The following USP9X variants were observed in gnomAD, a reference collection of about 807,000 sequenced individuals.
The protein encoded by USP9X is ubiquitin carboxyl-terminal hydrolase 9X.
USP9X carries 7 observed loss-of-function variants against 190.3 expected under a neutral mutation model. The observed-to-expected ratio is 0.04, with a 90% CI of 0.02 to 0.07. The LOEUF (loss-of-function observed/expected upper bound fraction) is 0.07. Among genes scored for constraint, USP9X ranks in the 10% least tolerant of loss-of-function variants. The pLI is 1.00. For missense variants in USP9X, 1,010 were observed against 1,916.9 expected (o/e 0.53, Z 8.83); for synonymous variants, 645 against 659.5 (o/e 0.98, Z 0.34).
At chrX:41,112,881 G>T (rs979187601) in intron 1 of USP9X, among the ~76,000 whole-genome samples, 11 of 112,505 alleles carry the variant, frequency 9.8e-5, no homozygotes, top group African/African-American at 3.6e-4. Flanking sequence ...ATGTGTTTTC[G>T]ATTGAGGCAC....
chrX:41,188,875 G>T (rs1375912368), intron 25 of USP9X, among the ~76,000 whole-genome samples: 1 of 112,161 alleles, frequency 8.9e-6, no homozygotes, highest in Non-Finnish European at 1.9e-5. Flanking sequence ...GCATATTTTA[G>T]GTTGTAAGCC....
intron 1 of USP9X, among the ~76,000 whole-genome samples, chrX:41,090,919 G>A (rs748087451): frequency 1.4e-4 from 16 of 110,652 alleles, no homozygotes; most frequent in East Asian, 5.7e-4. Context: ...GCACCTTCTC[G>A]GTGTTACGGT....
At chrX:41,118,540 A>G (rs2062167488) in intron 1 of USP9X, among the ~76,000 whole-genome samples, 1 of 111,920 alleles carries the variant, frequency 8.9e-6, no homozygotes, top group African/African-American at 3.3e-5. Context: ...CTTCCTGGAA[A>G]GACTTTTAAA....
In USP9X at chrX:41,125,684, ACTCTCT is replaced by A. The variant is rs1555918325; in HGVS notation, c.96+1990_96+1995del. 1.3e-3 allele frequency among the ~76,000 whole-genome samples: 25 copies of A among 19,025 alleles called. 2 individuals carry two copies. Among genetic ancestry groups the A allele is most frequent in the East Asian group, 1.9e-3 (1 of 516 alleles). The allele number at this position is 19,025 out of a possible 115,157, so 16.5% of individuals were successfully genotyped here. A position where few individuals can be genotyped will look rare whatever the true frequency, so the allele number is the denominator to read the frequency against. On this transcript the variant is annotated intron_variant, in intron 2 of 44. Coordinates refer to ENST00000378308, the MANE Select transcript of USP9X (RefSeq NM_001039591.3). The stretch of plus-strand genomic sequence containing the variant: ...CACACACACACACACACACACACAC[ACTCTCT>A]CTCTCTCTCTCTCTCTCTCTCTCTC...
chrX:41,207,175 G>C (rs1413385159), intron 32 of USP9X, among the ~76,000 whole-genome samples: 1 of 92,332 alleles, frequency 1.1e-5, no homozygotes, highest in East Asian at 3.8e-4. Flanking sequence ...TGCAACCTCT[G>C]CCTCCCAGGT....
chrX:41,119,889 G>A (rs2062176990), intron 1 of USP9X, among the ~76,000 whole-genome samples: 1 of 112,612 alleles, frequency 8.9e-6, no homozygotes, highest in Middle Eastern at 4.6e-3. Context: ...TAAGGAAAAT[G>A]ATATGCAAGT....
Position 41,170,244 on chromosome X carries a change from G to C in USP9X, c.2877+9G>C. 2 of 1,197,472 alleles carry C rather than the reference G, an allele frequency of 1.7e-6. No individual in the cohort carries two copies. Among genetic ancestry groups the C allele is most frequent in the Non-Finnish European group, 2.3e-6 (2 of 886,113 alleles). On this transcript the variant is annotated intron_variant, in intron 19 of 44. Coordinates refer to ENST00000378308, the MANE Select transcript of USP9X (RefSeq NM_001039591.3). ...ACTTAAAAGATAAATCGGTATGTATGTATAGTTAACAGATTTTTCAATAAA... is the reference window on the plus strand; with the variant it reads ...ACTTAAAAGATAAATCGGTATGTATCTATAGTTAACAGATTTTTCAATAAA...
chrX:41,185,500 G>T (rs974115958), intron 23 of USP9X, among the ~76,000 whole-genome samples: 1 of 111,352 alleles, frequency 9.0e-6, no homozygotes, highest in Non-Finnish European at 1.9e-5. Flanking sequence ...TAAACAATTT[G>T]GTTCACTGGC....
intron 44 of USP9X, among the ~76,000 whole-genome samples, chrX:41,231,923 A>G (rs528605696): frequency 9.9e-5 from 11 of 111,060 alleles, no homozygotes; most frequent in African/African-American, 3.6e-4. Context: ...CATCTTGAAC[A>G]TTGTTCTGTT....
intron 4 of USP9X, among the ~76,000 whole-genome samples, chrX:41,134,025 A>G (rs2062349013): frequency 8.9e-6 from 1 of 112,088 alleles, no homozygotes. Flanking sequence ...ACACTGATTA[A>G]TGGTATTTCA....
At chrX:41,111,937 C>T (rs751139895) in intron 1 of USP9X, among the ~76,000 whole-genome samples, 2 of 109,529 alleles carry the variant, frequency 1.8e-5, no homozygotes, top group South Asian at 8.0e-4. Context: ...CCTCCACGTC[C>T]CGGGTTCAAG....
chrX:41,224,789 C>T lies in USP9X; in HGVS notation c.6799C>T (p.Pro2267Ser), dbSNP rs763353056. ...TTTTGGTGATCCTAATTTATCACAA[C>T]CTATAATGCCAATTCAGCAGAATGT... ...NPFGDPNLSQPIMPIQQNVAD... is the reference protein window; with the variant it reads ...NPFGDPNLSQSIMPIQQNVAD... Residue 2267 changes from proline to serine, a missense_variant, in exon 40 of 45, where the codon CCT (proline) becomes TCT (serine). Around this residue, in one of 11 missense-constraint regions of USP9X, gnomAD observed 121 missense variants for 281.2 expected, o/e 0.43. Coordinates refer to ENST00000378308, the MANE Select transcript of USP9X (RefSeq NM_001039591.3). The T allele has an allele frequency of 8.3e-6, 10 of 1,209,654 alleles. No homozygotes were observed. The highest frequency in any genetic ancestry group is 1.1e-5 in the Non-Finnish European group (10 of 895,046).
chrX:41,205,522 T>G (rs1332591048), intron 32 of USP9X, 29 bp downstream of exon 32: 1 of 1,152,015 alleles, frequency 8.7e-7, no homozygotes, highest in African/African-American at 1.8e-5. Context: ...GTAATAGAGA[T>G]ACTTCTTAAA....
At chrX:41,210,040 ATAAATT>A (rs1354461270) in intron 32 of USP9X, among the ~76,000 whole-genome samples, 1 of 112,219 alleles carries the variant, frequency 8.9e-6, no homozygotes, top group Non-Finnish European at 1.9e-5. Context: ...TGGGAAAAAA[ATAAATT>A]TAAGAGTAAC....
chrX:41,172,692 T>G (rs934525701), intron 21 of USP9X, among the ~76,000 whole-genome samples: 4 of 112,379 alleles, frequency 3.6e-5, no homozygotes, highest in Non-Finnish European at 7.5e-5. Context: ...ATAATTTCCC[T>G]TTTATTTTCC....
chrX:41,147,447 G>A (rs1043773692), intron 11 of USP9X, among the ~76,000 whole-genome samples: 2 of 80,583 alleles, frequency 2.5e-5, no homozygotes, highest in African/African-American at 5.0e-5. Flanking sequence ...TAACTTAATC[G>A]TTGTTTTTTT....
intron 1 of USP9X, 34 bp downstream of exon 1, chrX:41,086,143 T>C (rs2061908655): frequency 1.7e-5 from 5 of 292,661 alleles, no homozygotes; most frequent in African/African-American, 2.8e-5. Context: ...CGACGCTCTT[T>C]CCCGGGGCCA....
rs2147117994 is a variant in USP9X, at chrX:41,168,062, A to G, written c.2480A>G (p.Tyr827Cys). 3 of 1,211,601 alleles carry G rather than the reference A, an allele frequency of 2.5e-6. No homozygotes were observed. The highest frequency in any genetic ancestry group is 2.2e-6 in the Non-Finnish European group (2 of 895,363). The change falls in exon 18 of 45, where the codon TAT becomes TGT. Residue 827 changes from tyrosine to cysteine, a missense_variant. Physicochemically the swap from Tyr to Cys is radical, Grantham distance 194 (BLOSUM62 -2). Coordinates refer to ENST00000378308, the MANE Select transcript of USP9X (RefSeq NM_001039591.3). Reference sequence around the variant, plus strand: ...TGTTTTGATCGTCTGAAGGCTTCCTATGACACATTGTGTGTTTTGGATGGT... The same window carrying G: ...TGTTTTGATCGTCTGAAGGCTTCCTGTGACACATTGTGTGTTTTGGATGGT... ...QSCFDRLKAS[Y>C]DTLCVLDGDK...
At chrX:41,210,725 A>G in intron 33 of USP9X, 43 bp downstream of exon 33, 3 of 1,151,230 alleles carry the variant, frequency 2.6e-6, no homozygotes, top group Non-Finnish European at 2.3e-6. Flanking sequence ...TGTACCATGT[A>G]TATACTAACA....
Sources: gnomAD v4.1 joint callset for allele counts (sites outside exome capture counted in the v4.1 genomes callset) on GRCh38, gnomAD v4.1.1 for gene constraint, gnomAD v4.1.1 regional missense constraint, MANE v1.5 for transcripts, NCBI Gene and HGNC (gene_info 2026-07-23, HGNC 2026-07-21) for gene names.